The following NCOA2 variants were observed in gnomAD, a reference collection of about 807,000 sequenced individuals.
The protein encoded by NCOA2 is nuclear receptor coactivator 2.
In NCOA2, 21 loss-of-function variants were observed where a neutral mutation model predicts 145.1. The observed-to-expected ratio is 0.14, with a 90% CI of 0.10 to 0.21. The LOEUF (loss-of-function observed/expected upper bound fraction) is 0.21. NCOA2 is among the 10% of genes least tolerant of loss of function. The pLI, the probability that NCOA2 is intolerant of heterozygous loss-of-function variation, is 1.00. For synonymous variants in NCOA2, 619 were observed against 637.5 expected (o/e 0.97, Z 0.44); for missense variants, 1,472 against 1,837.6 (o/e 0.80, Z 3.64).
chr8:70,355,985 T>A (rs1026872255), intron 1 of NCOA2, among the ~76,000 whole-genome samples: 1 of 152,180 alleles, frequency 6.6e-6, no homozygotes, highest in Non-Finnish European at 1.5e-5. Context: ...TAAATGGTTA[T>A]CTCCAGTAGA....
intron 2 of NCOA2, among the ~76,000 whole-genome samples, chr8:70,264,451 T>G (rs1481473855): frequency 6.6e-6 from 1 of 151,702 alleles, no homozygotes; most frequent in Non-Finnish European, 1.5e-5. Context: ...GGTGTGATAG[T>G]GCCACTGCAT....
At chr8:70,196,541 C>T (rs186611536) in intron 4 of NCOA2, among the ~76,000 whole-genome samples, 9 of 152,252 alleles carry the variant, frequency 5.9e-5, no homozygotes, top group Middle Eastern at 3.4e-3. Context: ...TGCTATAGTG[C>T]TTCCTTAACC....
At chr8:70,214,156 T>C in intron 3 of NCOA2, 81 bp from the exon 4 acceptor site, 6 of 1,342,414 alleles carry the variant, frequency 4.5e-6, no homozygotes, top group Non-Finnish European at 6.2e-6. Context: ...ACAAGTTTAA[T>C]ACAAAGATAG....
At chr8:70,279,223 G>C (rs908094655) in intron 2 of NCOA2, among the ~76,000 whole-genome samples, 19 of 152,066 alleles carry the variant, frequency 1.2e-4, no homozygotes, top group Non-Finnish European at 7.4e-5. Flanking sequence ...TCTCTGCCTG[G>C]AATTACCCGC....
intron 2 of NCOA2, among the ~76,000 whole-genome samples, chr8:70,217,557 T>C (rs1819743065): frequency 1.3e-5 from 2 of 152,160 alleles, no homozygotes; most frequent in Non-Finnish European, 1.5e-5. Context: ...AGGGGAACTT[T>C]ACTGACCCCC....
chr8:70,401,311 T>C (rs554793709), intron 1 of NCOA2, among the ~76,000 whole-genome samples: 1 of 152,280 alleles, frequency 6.6e-6, no homozygotes, highest in South Asian at 2.1e-4. Flanking sequence ...ACCAGAAAAG[T>C]ACCCACACAC....
intron 1 of NCOA2, among the ~76,000 whole-genome samples, chr8:70,326,472 TGCACACACACAC>T (rs1468324656): frequency 7.0e-6 from 1 of 143,718 alleles, no homozygotes; most frequent in East Asian, 2.2e-4. Flanking sequence ...CACACACACA[TGCACACACACAC>T]ACACAGCTGT....
intron 1 of NCOA2, among the ~76,000 whole-genome samples, chr8:70,341,475 G>C (rs114513198): frequency 0.011 from 1,746 of 152,290 alleles, 43 homozygotes; most frequent in African/African-American, 0.04. Flanking sequence ...AAGTCTTGCT[G>C]CCTCAACCAA....
the NCOA2 span, among the ~76,000 whole-genome samples, chr8:70,423,270 G>GC: frequency 6.6e-6 from 1 of 152,008 alleles, no homozygotes; most frequent in African/African-American, 2.4e-5. Context: ...TGCAACCTCT[G>GC]CCCCCCAGGT....
At chr8:70,232,645 C>T (rs1346012355) in intron 2 of NCOA2, among the ~76,000 whole-genome samples, 1 of 152,092 alleles carries the variant, frequency 6.6e-6, no homozygotes, top group Non-Finnish European at 1.5e-5. Flanking sequence ...TTCCCCTCCT[C>T]ACCTTGGGAG....
At chr8:70,352,749 T>G (rs188719505) in intron 1 of NCOA2, among the ~76,000 whole-genome samples, 5 of 152,328 alleles carry the variant, frequency 3.3e-5, no homozygotes, top group African/African-American at 1.2e-4. Context: ...TCTATTCTCT[T>G]CTATTACAGT....
At chr8:70,424,512 A>C in the NCOA2 span, 2 of 530,840 alleles carry the variant, frequency 3.8e-6, no homozygotes, top group African/African-American at 3.9e-5. Context: ...TTTTCTGCCA[A>C]CATGGATGTT....
chr8:70,189,991 T>C (rs542063325), intron 4 of NCOA2, among the ~76,000 whole-genome samples: 2 of 152,204 alleles, frequency 1.3e-5, no homozygotes, highest in African/African-American at 2.4e-5. Flanking sequence ...AGAATGAACA[T>C]AGCAAAGCTG....
intron 2 of NCOA2, among the ~76,000 whole-genome samples, chr8:70,254,274 AC>A (rs1172545480): frequency 6.6e-6 from 1 of 152,126 alleles, no homozygotes; most frequent in Non-Finnish European, 1.5e-5. Context: ...AAAAACTAGA[AC>A]CCTTGTGCAT....
chr8:70,244,344 G>A (rs1348678521), intron 2 of NCOA2, among the ~76,000 whole-genome samples: 1 of 152,024 alleles, frequency 6.6e-6, no homozygotes, highest in African/African-American at 2.4e-5. Context: ...ATTTTCCAAG[G>A]TTAAGAGACA....
At chr8:70,316,285 G>A (rs1432440177) in intron 1 of NCOA2, among the ~76,000 whole-genome samples, 1 of 152,180 alleles carries the variant, frequency 6.6e-6, no homozygotes, top group Non-Finnish European at 1.5e-5. Flanking sequence ...TGGTTTATGA[G>A]GGCTCAAACT....
chr8:70,391,675 A>C (rs531537783), intron 1 of NCOA2, among the ~76,000 whole-genome samples: 1 of 152,354 alleles, frequency 6.6e-6, no homozygotes, highest in African/African-American at 2.4e-5. Flanking sequence ...TCTTCAGGAC[A>C]ACTGGCTTAG....
At chr8:70,368,227 AG>A (rs985493419) in intron 1 of NCOA2, among the ~76,000 whole-genome samples, 1 of 152,240 alleles carries the variant, frequency 6.6e-6, no homozygotes, top group African/African-American at 2.4e-5. Context: ...GGACGTGGAC[AG>A]AAAGAAAGAC....
chr8:70,417,266 A>AAAAAAAAAAT, the NCOA2 span, among the ~76,000 whole-genome samples: 1 of 146,084 alleles, frequency 6.8e-6, no homozygotes, highest in African/African-American at 2.5e-5. Context: ...AAAAAAAAAA[A>AAAAAAAAAAT]GGCCAGGCGC....
Sources: allele counts gnomAD v4.1 joint callset (sites outside exome capture counted in the v4.1 genomes callset), GRCh38; gene constraint gnomAD v4.1.1; transcripts MANE v1.5; gene names NCBI Gene and HGNC (gene_info 2026-07-23, HGNC 2026-07-21).